ZNF804B: variants seen among roughly 807,000 people sequenced by gnomAD.
ZNF804B encodes zinc finger 804B.
ZNF804B carries 80 observed loss-of-function variants against 101.4 expected under a neutral mutation model. That is an observed-to-expected ratio of 0.79 (90% CI 0.66 to 0.95). The LOEUF is 0.95. Among genes scored for constraint, ZNF804B ranks in the 40% least tolerant of loss-of-function variants. The pLI is 0.00. For missense variants in ZNF804B, 1,673 were observed against 1,561.9 expected, an observed-to-expected ratio of 1.07 and a Z score of -1.20; for synonymous variants, 622 against 558.8, an observed-to-expected ratio of 1.11 and a Z score of -1.59.
intron 1 of ZNF804B, among the ~76,000 whole-genome samples, chr7:89,031,654 G>GT (rs1788836882): frequency 6.9e-6 from 1 of 145,614 alleles, no homozygotes. Flanking sequence ...TTAGGCTTCT[G>GT]GTTTTTGTTT....
chr7:88,964,203 A>T (rs1280247129), intron 1 of ZNF804B, among the ~76,000 whole-genome samples: 1 of 151,490 alleles, frequency 6.6e-6, no homozygotes. Context: ...AACTGAAAGC[A>T]AGAACTTGAA....
intron 1 of ZNF804B, among the ~76,000 whole-genome samples, chr7:89,113,922 C>CTT (rs1192521390): frequency 6.1e-5 from 9 of 148,748 alleles, no homozygotes; most frequent in African/African-American, 1.8e-4. Flanking sequence ...GCACTCCAGC[C>CTT]ATAAAAAAAA....
chr7:89,209,341 G>T (rs1666815851), intron 1 of ZNF804B, among the ~76,000 whole-genome samples: 1 of 152,050 alleles, frequency 6.6e-6, no homozygotes, highest in African/African-American at 2.4e-5. Flanking sequence ...CTAGTTAGTG[G>T]CTGACATCAC....
At chr7:88,921,305 T>G (rs956328439) in intron 1 of ZNF804B, among the ~76,000 whole-genome samples, 2 of 151,960 alleles carry the variant, frequency 1.3e-5, no homozygotes, top group African/African-American at 4.8e-5. Context: ...TTCAAACATA[T>G]AAGCACTTGA....
intron 1 of ZNF804B, among the ~76,000 whole-genome samples, chr7:89,205,954 A>G (rs532837470): frequency 1.3e-5 from 2 of 152,182 alleles, no homozygotes; most frequent in Non-Finnish European, 2.9e-5. Flanking sequence ...AGGCATTTCC[A>G]TACATCCTCT....
At chr7:89,036,030 T>TTATA (rs1443206724) in intron 1 of ZNF804B, among the ~76,000 whole-genome samples, 1 of 146,586 alleles carries the variant, frequency 6.8e-6, no homozygotes, top group East Asian at 1.9e-4. Context: ...TATTAATATG[T>TTATA]TATATATATA....
chr7:89,214,079 G>T (rs1788848223), intron 1 of ZNF804B, among the ~76,000 whole-genome samples: 1 of 152,068 alleles, frequency 6.6e-6, no homozygotes, highest in Admixed American at 6.5e-5. Context: ...TTCTCTCCTT[G>T]TACCCAAAAC....
At chr7:88,909,938 G>A (rs1792524717) in intron 1 of ZNF804B, among the ~76,000 whole-genome samples, 2 of 151,702 alleles carry the variant, frequency 1.3e-5, no homozygotes, top group African/African-American at 4.8e-5. Flanking sequence ...GTAAATAATA[G>A]CCTCTTTAAT....
chr7:88,977,193 C>A (rs905301856), intron 1 of ZNF804B, among the ~76,000 whole-genome samples: 1 of 145,810 alleles, frequency 6.9e-6, no homozygotes, highest in Non-Finnish European at 1.5e-5. Context: ...CCCATAAATT[C>A]TTTTTTTTTT....
chr7:88,883,754 G>A (rs141026579), intron 1 of ZNF804B, among the ~76,000 whole-genome samples: 5 of 152,128 alleles, frequency 3.3e-5, no homozygotes, highest in Admixed American at 6.6e-5. Flanking sequence ...AGGCAATTCC[G>A]ATTTGTGTGA....
intron 1 of ZNF804B, among the ~76,000 whole-genome samples, chr7:88,790,399 G>C (rs982021059): frequency 6.6e-6 from 1 of 151,960 alleles, no homozygotes; most frequent in Non-Finnish European, 1.5e-5. Context: ...ACGTGCATTA[G>C]CTATTTACCC....
intron 1 of ZNF804B, among the ~76,000 whole-genome samples, chr7:89,001,933 A>G (rs1788296706): frequency 6.6e-6 from 1 of 151,544 alleles, no homozygotes; most frequent in African/African-American, 2.4e-5. Flanking sequence ...AATACATACA[A>G]TTTTGTCAAT....
chr7:88,855,919 A>G (rs1791550005), intron 1 of ZNF804B, among the ~76,000 whole-genome samples: 1 of 152,072 alleles, frequency 6.6e-6, no homozygotes, highest in Non-Finnish European at 1.5e-5. Flanking sequence ...AGTTGTAGAT[A>G]TGTGGCATTA....
chr7:89,226,835 A>G (rs1365713450), intron 2 of ZNF804B, among the ~76,000 whole-genome samples: 1 of 152,094 alleles, frequency 6.6e-6, no homozygotes, highest in African/African-American at 2.4e-5. Context: ...TGACTCTTAT[A>G]TTTCATCAAT....
chr7:88,765,989 A>G (rs1789977607), intron 1 of ZNF804B, among the ~76,000 whole-genome samples: 1 of 152,152 alleles, frequency 6.6e-6, no homozygotes, highest in African/African-American at 2.4e-5. Flanking sequence ...AACTTAATTG[A>G]AGATAAAAAA....
chr7:89,173,808 T>A (rs903589740), intron 1 of ZNF804B, among the ~76,000 whole-genome samples: 1 of 151,984 alleles, frequency 6.6e-6, no homozygotes, highest in Non-Finnish European at 1.5e-5. Context: ...AAAATTGGCC[T>A]ATAGTGGGAT....
At chr7:88,947,025 G>A (rs533386106) in intron 1 of ZNF804B, among the ~76,000 whole-genome samples, 9 of 152,118 alleles carry the variant, frequency 5.9e-5, no homozygotes, top group African/African-American at 2.2e-4. Flanking sequence ...ACAGATGCTG[G>A]AGAGGATATA....
At chr7:88,791,924 A>T (rs1482798251) in intron 1 of ZNF804B, among the ~76,000 whole-genome samples, 1 of 152,038 alleles carries the variant, frequency 6.6e-6, no homozygotes, top group Non-Finnish European at 1.5e-5. Flanking sequence ...ATGTCAACTG[A>T]GCTGGCTTCC....
intron 2 of ZNF804B, 48 bp downstream of exon 2, chr7:89,218,343 C>T (rs750192055): frequency 5.6e-6 from 9 of 1,597,438 alleles, no homozygotes; most frequent in Non-Finnish European, 7.7e-6. Context: ...TTTATACCTT[C>T]AGAACAGAAC....
Sources: allele counts gnomAD v4.1 joint callset (sites outside exome capture counted in the v4.1 genomes callset), GRCh38; gene constraint gnomAD v4.1.1; transcripts MANE v1.5; gene names NCBI Gene and HGNC (gene_info 2026-07-23, HGNC 2026-07-21).